The following WWOX variants were observed in gnomAD, a reference collection of about 807,000 sequenced individuals.
WWOX encodes WW domain containing oxidoreductase, also known as WW domain-containing oxidoreductase.
A neutral mutation model predicts 46.2 loss-of-function variants in WWOX; 69 were observed. The ratio of observed to expected loss-of-function variants is 1.49; its 90% confidence interval spans 1.23 to 1.82. WWOX has a LOEUF of 1.82. Among genes scored for constraint, WWOX ranks in the 40% most tolerant of loss-of-function variants. The pLI is 0.00. For synonymous variants in WWOX, 359 were observed against 202.6 expected (o/e 1.77, Z -6.56); for missense variants, 919 against 542.6 (o/e 1.69, Z -6.89).
chr16:78,872,055 C>A (rs1247066434), intron 8 of WWOX, among the ~76,000 whole-genome samples: 1 of 152,194 alleles, frequency 6.6e-6, no homozygotes, highest in Non-Finnish European at 1.5e-5. Context: ...TTCTGTCAAC[C>A]CTTCTAACCA....
At chr16:78,956,523 G>A (rs2046170194) in intron 8 of WWOX, among the ~76,000 whole-genome samples, 2 of 152,062 alleles carry the variant, frequency 1.3e-5, no homozygotes, top group Admixed American at 1.3e-4. Flanking sequence ...GGTTCATTAG[G>A]TTCACAGTTG....
intron 8 of WWOX, among the ~76,000 whole-genome samples, chr16:79,103,255 C>T (rs532775651): frequency 6.6e-5 from 10 of 152,322 alleles, no homozygotes; most frequent in Admixed American, 4.6e-4. Context: ...GAAAGGTTTT[C>T]TGAAGAGGCA....
intron 8 of WWOX, among the ~76,000 whole-genome samples, chr16:78,749,112 C>G (rs1404859973): frequency 1.3e-5 from 2 of 152,186 alleles, no homozygotes; most frequent in Non-Finnish European, 2.9e-5. Flanking sequence ...TGGACCGAGG[C>G]TATGGTGGCA....
At chr16:78,630,634 G>T (rs946037327) in intron 8 of WWOX, among the ~76,000 whole-genome samples, 10 of 152,150 alleles carry the variant, frequency 6.6e-5, no homozygotes, top group African/African-American at 2.4e-4. Context: ...GTTTTCTCCA[G>T]ACTTCGCCTC....
intron 8 of WWOX, among the ~76,000 whole-genome samples, chr16:79,141,872 A>G (rs1179132741): frequency 6.6e-6 from 1 of 151,586 alleles, no homozygotes; most frequent in East Asian, 1.9e-4. Context: ...TGGCGTTGTG[A>G]TTAGCCCGTC....
intron 4 of WWOX, chr16:78,123,234 A>G (rs1240085653): frequency 6.6e-6 from 1 of 151,880 alleles, no homozygotes; most frequent in Non-Finnish European, 1.5e-5. Flanking sequence ...AAAAAGGCCC[A>G]TTGTGTTCAG....
chr16:79,211,021 ATG>A (rs1315936070), intron 8 of WWOX, among the ~76,000 whole-genome samples: 1 of 105,106 alleles, frequency 9.5e-6, no homozygotes, highest in African/African-American at 3.3e-5. Flanking sequence ...CTAAGTATGA[ATG>A]TATGGTGAGG....
intron 8 of WWOX, among the ~76,000 whole-genome samples, chr16:78,937,830 G>T (rs1597176758): frequency 3.3e-5 from 5 of 152,102 alleles, no homozygotes; most frequent in Admixed American, 3.3e-4. Flanking sequence ...TTTTTACTAT[G>T]TTGGCCAGGC....
intron 8 of WWOX, chr16:78,534,243 T>C (rs745439880): frequency 1.3e-5 from 2 of 152,198 alleles, no homozygotes; most frequent in Non-Finnish European, 2.9e-5. Flanking sequence ...GAAAACAATA[T>C]CTTCCTGAGA....
intron 8 of WWOX, among the ~76,000 whole-genome samples, chr16:78,673,081 G>C (rs896909184): frequency 2.6e-5 from 4 of 152,224 alleles, no homozygotes; most frequent in Non-Finnish European, 5.9e-5. Context: ...CATGCTTAGA[G>C]GGCTCAGAGG....
At chr16:78,434,644 G>A (rs2083296850) in intron 8 of WWOX, among the ~76,000 whole-genome samples, 1 of 152,194 alleles carries the variant, frequency 6.6e-6, no homozygotes, top group African/African-American at 2.4e-5. Context: ...GATCATTGAT[G>A]TGTTTTAAGG....
In WWOX at chr16:78,680,971, A is replaced by G. The variant is rs368804602; in HGVS notation, c.1056+248219A>G. On this transcript the variant is annotated intron_variant, in intron 8 of 8. Coordinates refer to ENST00000566780, the MANE Select transcript of WWOX (RefSeq NM_016373.4). Reference sequence around the variant, plus strand: ...ACAAAAAACTAAAAAAATTTAGGCCATACTTAGTGGCTCACGCCTGTAATC... The same window carrying G: ...ACAAAAAACTAAAAAAATTTAGGCCGTACTTAGTGGCTCACGCCTGTAATC... Among the ~76,000 whole-genome samples, 591 of 152,190 alleles carry G rather than the reference A, an allele frequency of 3.9e-3. 4 individuals are homozygous for G. The highest frequency in any genetic ancestry group is 0.014 in the African/African-American group (565 of 41,532).
chr16:78,107,868 TG>T (rs1263770096), intron 1 of WWOX, among the ~76,000 whole-genome samples: 1 of 152,164 alleles, frequency 6.6e-6, no homozygotes, highest in Non-Finnish European at 1.5e-5. Context: ...TTATGAATTT[TG>T]TCCCTACATC....
intron 8 of WWOX, among the ~76,000 whole-genome samples, chr16:78,853,428 G>C (rs1374954601): frequency 6.6e-6 from 1 of 152,008 alleles, no homozygotes; most frequent in African/African-American, 2.4e-5. Flanking sequence ...AACCAGGCTG[G>C]TATTGTTTTC....
intron 8 of WWOX, among the ~76,000 whole-genome samples, chr16:79,168,113 T>C (rs952485236): frequency 5.9e-5 from 9 of 152,238 alleles, no homozygotes; most frequent in African/African-American, 2.2e-4. Context: ...TACCACATCT[T>C]GTTTATCTGT....
At chr16:78,794,068 C>G (rs1014919900) in intron 8 of WWOX, among the ~76,000 whole-genome samples, 7 of 152,122 alleles carry the variant, frequency 4.6e-5, no homozygotes, top group African/African-American at 1.7e-4. Flanking sequence ...GTCACCCCAG[C>G]ATTCATTTGT....
chr16:78,561,985 G>T (rs1436685564), intron 8 of WWOX, among the ~76,000 whole-genome samples: 2 of 149,538 alleles, frequency 1.3e-5, no homozygotes, highest in African/African-American at 5.0e-5. Flanking sequence ...ACCTAACAAT[G>T]GGTTGACATT....
At chr16:79,199,731 C>T (rs1333701489) in intron 8 of WWOX, among the ~76,000 whole-genome samples, 1 of 152,072 alleles carries the variant, frequency 6.6e-6, no homozygotes, top group East Asian at 1.9e-4. Context: ...AGAGGGTGTA[C>T]TGGTAGAGGA....
intron 8 of WWOX, among the ~76,000 whole-genome samples, chr16:78,628,527 A>T (rs1048182039): frequency 4.6e-5 from 7 of 152,196 alleles, no homozygotes; most frequent in African/African-American, 1.4e-4. Context: ...AAGGATAAGA[A>T]CTATATTTTC....
Sources: allele counts gnomAD v4.1 joint callset (sites outside exome capture counted in the v4.1 genomes callset), GRCh38; gene constraint gnomAD v4.1.1; transcripts MANE v1.5; gene names NCBI Gene and HGNC (gene_info 2026-07-23, HGNC 2026-07-21).